The following KMT5A variants were observed in gnomAD, a reference collection of about 807,000 sequenced individuals.
KMT5A encodes the protein lysine methyltransferase 5A.
A neutral mutation model predicts 40.6 loss-of-function variants in KMT5A; 6 were observed. The observed-to-expected ratio is 0.15, with a 90% CI of 0.08 to 0.29. The LOEUF is 0.29. Among genes scored for constraint, KMT5A ranks in the 10% least tolerant of loss-of-function variants. The pLI is 1.00. For missense variants in KMT5A, 308 were observed against 459.1 expected (o/e 0.67, Z 3.01); for synonymous variants, 153 against 178.8 (o/e 0.86, Z 1.15).
chr12:123,393,153 C>T (rs1877435252), intron 3 of KMT5A, among the ~76,000 whole-genome samples: 1 of 152,210 alleles, frequency 6.6e-6, no homozygotes, highest in South Asian at 2.1e-4. Flanking sequence ...GCTGGGATTA[C>T]AGGTGAAGTC....
chr12:123,392,710 C>G (rs2139169903), intron 3 of KMT5A, among the ~76,000 whole-genome samples: 1 of 152,108 alleles, frequency 6.6e-6, no homozygotes, highest in Admixed American at 6.6e-5. Flanking sequence ...TTTGGAGACC[C>G]CAAGGTCCAG....
chr12:123,390,149 G>C (rs1233998290), intron 2 of KMT5A: 1 of 466,666 alleles, frequency 2.1e-6, no homozygotes, highest in African/African-American at 2.0e-5. Flanking sequence ...GATTTGAGAG[G>C]GGTCAGGCTC....
At chr12:123,385,780 A>T (rs1876839033) in intron 1 of KMT5A, among the ~76,000 whole-genome samples, 1 of 152,158 alleles carries the variant, frequency 6.6e-6, no homozygotes, top group South Asian at 2.1e-4. Context: ...TGAACCTGGG[A>T]GGTGGAGCTT....
intron 2 of KMT5A, 32 bp from the exon 3 acceptor site, chr12:123,390,598 G>A (rs762066228): frequency 3.9e-5 from 63 of 1,609,160 alleles, no homozygotes; most frequent in Admixed American, 5.1e-5. Flanking sequence ...TCTTCTTCAA[G>A]CCTCTTTCAG....
At chr12:123,398,215 G>A (rs1877883178) in intron 5 of KMT5A, among the ~76,000 whole-genome samples, 1 of 151,926 alleles carries the variant, frequency 6.6e-6, no homozygotes. Flanking sequence ...CCAGGAGACG[G>A]TAGTTGCAGT....
intron 6 of KMT5A, 108 bp from the exon 7 acceptor site, chr12:123,404,776 C>A: frequency 9.6e-7 from 1 of 1,044,640 alleles, no homozygotes. Flanking sequence ...TGACATGGCT[C>A]AGTACAGCTG....
chr12:123,399,296 C>T (rs1877972133), intron 5 of KMT5A, among the ~76,000 whole-genome samples: 1 of 152,256 alleles, frequency 6.6e-6, no homozygotes, highest in African/African-American at 2.4e-5. Flanking sequence ...CCATCTCCTT[C>T]TAGGCCCATT....
intron 3 of KMT5A, 82 bp from the exon 4 acceptor site, chr12:123,394,965 C>T (rs1318214738): frequency 2.3e-6 from 3 of 1,290,656 alleles, no homozygotes; most frequent in Non-Finnish European, 2.2e-6. Context: ...CTTCTCAAAG[C>T]TTGTCTTAGA....
At position 123,406,148 on chromosome 12, in the gene KMT5A, C is replaced by G. The variant is rs375713972; in HGVS notation, c.848+1074C>G. ...CCATTTTTAATCTTTGGAATTGGAG[C>G]TGTCCTGGATGTTATCTCATCCAAG... On this transcript the variant is annotated intron_variant, in intron 7 of 7. Coordinates refer to ENST00000402868, the MANE Select transcript of KMT5A (RefSeq NM_020382.7). Among the ~76,000 whole-genome samples, 77 of 152,138 alleles carry G rather than the reference C, an allele frequency of 5.1e-4. No individual in the cohort carries two copies. In the East Asian group the frequency reaches 0.011, roughly 21 times the overall value.
intron 1 of KMT5A, 123 bp from the exon 2 acceptor site, chr12:123,389,310 G>A (rs1187416357): frequency 1.7e-6 from 1 of 580,398 alleles, no homozygotes; most frequent in Non-Finnish European, 2.2e-6. Context: ...ACCAGAGCCG[G>A]GGCCTCGAAA....
Position 123,407,738 on chromosome 12 carries a change from C to T in KMT5A, c.*35C>T. On this transcript the variant is annotated 3_prime_UTR_variant, in exon 8 of 8. Transcript: ENST00000402868. The stretch of plus-strand genomic sequence containing the variant: ...CCCGTGCCCTCCCCGCCCCACTTTC[C>T]CTTCTTCAAAGGACAAAGTGCCCTC... 6.4e-7 allele frequency: 1 copy of T among 1,563,062 alleles called. No homozygotes were observed. Among genetic ancestry groups the T allele is most frequent in the Non-Finnish European group, 8.7e-7 (1 of 1,145,740 alleles).
rs1877587290 is a variant in KMT5A at position 123,395,029 on chromosome 12, C to T, written c.290-18C>T. 1 of 1,550,322 alleles carries T rather than the reference C, an allele frequency of 6.5e-7. No homozygotes were observed. Among genetic ancestry groups the T allele is most frequent in the Non-Finnish European group, 8.7e-7 (1 of 1,145,250 alleles). On this transcript the variant is annotated intron_variant, in intron 3 of 7. Coordinates refer to ENST00000402868, the MANE Select transcript of KMT5A (RefSeq NM_020382.7). ...ACAGTACAGAATAAACCCGTCTTTC[C>T]CCCACCTCCGCCTGCAGAGAAAAGA...
intron 7 of KMT5A, among the ~76,000 whole-genome samples, chr12:123,406,762 C>T (rs571657668): frequency 1.0e-3 from 157 of 152,140 alleles, no homozygotes; most frequent in Non-Finnish European, 1.9e-3. Context: ...CGTGGTAGCT[C>T]ATGCCTGTGA....
intron 5 of KMT5A, among the ~76,000 whole-genome samples, chr12:123,402,239 G>A (rs1566081157): frequency 6.6e-6 from 1 of 152,206 alleles, no homozygotes; most frequent in Non-Finnish European, 1.5e-5. Context: ...GTGTTCCCTG[G>A]GGTCAGAGTG....
chr12:123,385,328 T>G (rs539808335), intron 1 of KMT5A, among the ~76,000 whole-genome samples: 31 of 152,278 alleles, frequency 2.0e-4, no homozygotes, highest in Non-Finnish European at 4.3e-4. Context: ...CACTCAACTC[T>G]TGGAGAAAAT....
chr12:123,405,507 CGCCTGCT>C, intron 7 of KMT5A, among the ~76,000 whole-genome samples: 1 of 124,274 alleles, frequency 8.0e-6, no homozygotes, highest in East Asian at 2.7e-4. Flanking sequence ...ATGCAATTAT[CGCCTGCT>C]TCCTTTTTTT....
At chr12:123,390,255 A>G (rs903070535) in intron 2 of KMT5A, 2 of 418,190 alleles carry the variant, frequency 4.8e-6, no homozygotes, top group Non-Finnish European at 9.5e-6. Flanking sequence ...TTCTGTGCTG[A>G]GTCCCTGCGG....
chr12:123,385,673 G>A lies in KMT5A; in HGVS notation c.10+1465G>A, dbSNP rs576813273. Reference sequence around the variant, plus strand: ...TCGAGACCAGTCTGACCAACATGGAGAAATCCCGTCTCTACTAAAAATACA... The same window carrying A: ...TCGAGACCAGTCTGACCAACATGGAAAAATCCCGTCTCTACTAAAAATACA... On this transcript the variant is annotated intron_variant, in intron 1 of 7. Transcript: ENST00000402868. Among the ~76,000 whole-genome samples the A allele has an allele frequency of 2.1e-3, 324 of 152,258 alleles. 1 individual carries two copies. The highest frequency in any genetic ancestry group is 2.7e-3 in the Non-Finnish European group (187 of 68,028).
chr12:123,397,248 C>G (rs1360829769), intron 5 of KMT5A, among the ~76,000 whole-genome samples: 2 of 152,234 alleles, frequency 1.3e-5, no homozygotes, highest in East Asian at 3.8e-4. Flanking sequence ...TATTGCCTTT[C>G]TGTGAAGGAA....
Sources: gnomAD v4.1 joint callset for allele counts (sites outside exome capture counted in the v4.1 genomes callset) on GRCh38, gnomAD v4.1.1 for gene constraint, MANE v1.5 for transcripts, NCBI Gene and HGNC (gene_info 2026-07-23, HGNC 2026-07-21) for gene names.